The following IQCH variants were observed in gnomAD, a reference collection of about 807,000 sequenced individuals.
The protein encoded by IQCH is IQ domain-containing protein H.
A neutral mutation model predicts 117.0 loss-of-function variants in IQCH; 98 were observed. The observed-to-expected ratio is 0.84, with a 90% CI of 0.71 to 0.99. The LOEUF is 0.99. Among genes scored for constraint, IQCH ranks in the 50% least tolerant of loss-of-function variants. The pLI is 0.00. For synonymous variants in IQCH, 412 were observed against 448.2 expected (o/e 0.92, Z 1.02); for missense variants, 1,102 against 1,243.8 (o/e 0.89, Z 1.72).
chr15:67,357,846 G>GTAC (rs1969957805), intron 7 of IQCH, among the ~76,000 whole-genome samples: 1 of 137,602 alleles, frequency 7.3e-6, no homozygotes, highest in African/African-American at 2.8e-5. Context: ...AAAGAATTCT[G>GTAC]TATTATCATT....
In IQCH at chr15:67,427,960, C is replaced by T. The variant is rs1008498699; in HGVS notation, c.2505+6383C>T. Among the ~76,000 whole-genome samples, 5 of 151,996 alleles carry T rather than the reference C, an allele frequency of 3.3e-5. No homozygotes were observed. The highest frequency in any genetic ancestry group is 3.3e-4 in the Admixed American group (5 of 15,252). On this transcript the variant is annotated intron_variant, in intron 16 of 20. Transcript: ENST00000335894. The surrounding 1 kb of genome is among the most constrained non-coding windows in gnomAD (Gnocchi z 4.7). ...TCTTGTGCCTTAGCCTCCTGAGTAG[C>T]TGGGATTACAGGCACACACCACACC...
chr15:67,279,380 TTTC>T lies in IQCH; in HGVS notation c.270-9_270-7del. 1.5e-6 allele frequency: 2 copies of T among 1,357,012 alleles called. No homozygotes were observed. The highest frequency in any genetic ancestry group is 1.0e-6 in the Non-Finnish European group (1 of 958,502). 84.1% of individuals were successfully genotyped at this position (1,357,012 alleles called of 1,614,324 possible). A position where few individuals can be genotyped will look rare whatever the true frequency, so the allele number is the denominator to read the frequency against. On this transcript the variant is annotated splice_polypyrimidine_tract_variant and intron_variant, in intron 3 of 20. Coordinates refer to ENST00000335894, the MANE Select transcript of IQCH (RefSeq NM_001031715.3). ...ATAGCAAATTTGATTTTAAATTCCATTTCTTCTTACTTAGGTTACTTCCAACTG... is the reference window on the plus strand; with the variant it reads ...ATAGCAAATTTGATTTTAAATTCCATTTCTTACTTAGGTTACTTCCAACTG...
chr15:67,371,815 A>G (rs1016256647), intron 8 of IQCH, among the ~76,000 whole-genome samples: 1 of 152,238 alleles, frequency 6.6e-6, no homozygotes, highest in African/African-American at 2.4e-5. Context: ...AGGTGATTGT[A>G]TCAAAGTAAA....
At chr15:67,471,249 AC>A (rs11294647) in intron 17 of IQCH, among the ~76,000 whole-genome samples, 152,318 of 152,318 alleles carry the variant, frequency 1, 76,159 homozygotes, top group Non-Finnish European at 1. Context: ...AAAGGACATA[AC>A]CCATAAAAAT....
chr15:67,439,048 A>C, intron 16 of IQCH, among the ~76,000 whole-genome samples: 1 of 152,234 alleles, frequency 6.6e-6, no homozygotes, highest in Admixed American at 6.5e-5. Flanking sequence ...ATACCTTGGA[A>C]CAAATGGACT....
intron 10 of IQCH, among the ~76,000 whole-genome samples, chr15:67,375,439 T>G (rs924985384): frequency 6.6e-6 from 1 of 151,940 alleles, no homozygotes; most frequent in Non-Finnish European, 1.5e-5. Flanking sequence ...ATTAATAAAA[T>G]AAAATAAATT....
rs1446767083 is a variant in IQCH at position 67,404,436 on chromosome 15, AATTT to A, written c.2097+4133_2097+4136del. 6.6e-6 allele frequency: 1 copy of A among 152,152 alleles called. No homozygotes were observed. Among genetic ancestry groups the A allele is most frequent in the East Asian group, 1.9e-4 (1 of 5,198 alleles). The allele number at this position is 152,152 out of a possible 1,614,324, so 9.4% of individuals were successfully genotyped here. On this transcript the variant is annotated intron_variant, in intron 14 of 20. Coordinates refer to ENST00000335894, the MANE Select transcript of IQCH (RefSeq NM_001031715.3). The surrounding 1 kb of genome is among the most constrained non-coding windows in gnomAD (Gnocchi z 4.6). ...TGGCAGAGCTCGTTGTCCCGTCTAG[AATTT>A]AGTAGGTATTTATTAGGTGATCCCA...
Position 67,369,827 on chromosome 15 carries a change from T to C in IQCH, c.754-2284T>C, listed in dbSNP as rs909594403. Reference sequence around the variant, plus strand: ...TTTCTCTTGAGAGGCATGTCTTTTCTTGCTCCAAGTCTAAAGTGCTCCCAA... The same window carrying C: ...TTTCTCTTGAGAGGCATGTCTTTTCCTGCTCCAAGTCTAAAGTGCTCCCAA... On this transcript the variant is annotated intron_variant, in intron 8 of 20. Transcript: ENST00000335894. The surrounding 1 kb of genome is among the most constrained non-coding windows in gnomAD (Gnocchi z 5.2). 6.6e-5 allele frequency among the ~76,000 whole-genome samples: 10 copies of C among 152,194 alleles called. No individual in the cohort carries two copies. Among genetic ancestry groups the C allele is most frequent in the Non-Finnish European group, 1.3e-4 (9 of 68,040 alleles).
chr15:67,442,214 C>T (rs569728005), intron 16 of IQCH, among the ~76,000 whole-genome samples: 1 of 151,814 alleles, frequency 6.6e-6, no homozygotes, highest in South Asian at 2.1e-4. Flanking sequence ...AGTTGGAGAC[C>T]AGCCTGACCG....
At chr15:67,279,041 A>G (rs1966242538) in intron 3 of IQCH, among the ~76,000 whole-genome samples, 1 of 152,218 alleles carries the variant, frequency 6.6e-6, no homozygotes, top group Non-Finnish European at 1.5e-5. Flanking sequence ...AACGTTGGTT[A>G]TACTGTAATT....
At chr15:67,392,119 G>A (rs928128871) in intron 12 of IQCH, among the ~76,000 whole-genome samples, 1 of 152,128 alleles carries the variant, frequency 6.6e-6, no homozygotes, top group African/African-American at 2.4e-5. Context: ...CAAATCACTT[G>A]AGGCTCAATT....
intron 19 of IQCH, among the ~76,000 whole-genome samples, chr15:67,492,613 A>T (rs2083690440): frequency 6.6e-6 from 1 of 152,104 alleles, no homozygotes; most frequent in African/African-American, 2.4e-5. Flanking sequence ...ACTTTTGGAG[A>T]CCCAGGCTGG....
intron 9 of IQCH, 112 bp from the exon 10 acceptor site, chr15:67,373,255 A>G: frequency 1.6e-6 from 1 of 638,400 alleles, no homozygotes; most frequent in Non-Finnish European, 2.7e-6. Context: ...AATTAAATCA[A>G]TTAATATAAT....
At chr15:67,261,515 G>A (rs1381720148) in intron 2 of IQCH, 121 bp downstream of exon 2, 20 of 728,762 alleles carry the variant, frequency 2.7e-5, no homozygotes, top group South Asian at 1.3e-4. Flanking sequence ...TAGGGCAGTC[G>A]TCAGCATTCT....
intron 16 of IQCH, among the ~76,000 whole-genome samples, chr15:67,434,620 G>T (rs546065136): frequency 6.6e-6 from 1 of 152,286 alleles, no homozygotes; most frequent in South Asian, 2.1e-4. Context: ...GCACTCAGAA[G>T]TGGGATTGGT....
chr15:67,260,885 C>G (rs967891852), intron 1 of IQCH, among the ~76,000 whole-genome samples: 3 of 152,016 alleles, frequency 2.0e-5, no homozygotes, highest in African/African-American at 4.8e-5. Flanking sequence ...ATCATGAGGA[C>G]AGTAGTTTGA....
rs1420200741 is a variant in IQCH, at chr15:67,370,703, A to AT, written c.754-1402dup. Among the ~76,000 whole-genome samples, 1 of 152,180 alleles carries AT rather than the reference A, an allele frequency of 6.6e-6. No individual in the cohort carries two copies. Among genetic ancestry groups the AT allele is most frequent in the South Asian group, 2.1e-4 (1 of 4,834 alleles). ...AAAGGGATAGAAGCTTGGAAGGAAG[A>AT]TTTTTTCCCTCATTTTTATGCCTTA... On this transcript the variant is annotated intron_variant, in intron 8 of 20. Coordinates refer to ENST00000335894, the MANE Select transcript of IQCH (RefSeq NM_001031715.3). The surrounding 1 kb of genome is among the most constrained non-coding windows in gnomAD (Gnocchi z 5.6).
intron 8 of IQCH, among the ~76,000 whole-genome samples, chr15:67,363,885 C>T (rs1970238837): frequency 6.6e-6 from 1 of 152,186 alleles, no homozygotes; most frequent in South Asian, 2.1e-4. Flanking sequence ...ATAACATGAC[C>T]TCTTTCTTTT....
At chr15:67,292,429 T>C (rs1385165515) in intron 4 of IQCH, among the ~76,000 whole-genome samples, 2 of 152,034 alleles carry the variant, frequency 1.3e-5, no homozygotes, top group African/African-American at 4.8e-5. Context: ...GGCTAATTTT[T>C]AAATTTTTAG....
Sources: gnomAD v4.1 joint callset for allele counts (sites outside exome capture counted in the v4.1 genomes callset) on GRCh38, gnomAD v4.1.1 for gene constraint, Gnocchi (gnomAD v3.1) non-coding constraint, MANE v1.5 for transcripts, NCBI Gene and HGNC (gene_info 2026-07-23, HGNC 2026-07-21) for gene names.